The following SULT4A1 variants were observed in gnomAD, a reference collection of about 807,000 sequenced individuals.
The protein encoded by SULT4A1 is sulfotransferase family 4A member 1, also known as sulfotransferase 4A1.
In SULT4A1, 11 loss-of-function variants were observed where a neutral mutation model predicts 35.2. The ratio of observed to expected loss-of-function variants is 0.31; its 90% confidence interval spans 0.20 to 0.52. The LOEUF (loss-of-function observed/expected upper bound fraction) is 0.52, where lower values mean the gene tolerates loss of function less well. Ranked by LOEUF, SULT4A1 falls within the 20% of genes least tolerant of loss-of-function variation. The pLI is 0.97. For missense variants in SULT4A1, 271 were observed against 383.7 expected (o/e 0.71, Z 2.45); for synonymous variants, 152 against 151.8 (o/e 1.00, Z -0.01).
intron 4 of SULT4A1, among the ~76,000 whole-genome samples, chr22:43,834,355 C>G (rs1350822320): frequency 1.8e-4 from 22 of 125,592 alleles, no homozygotes; most frequent in African/African-American, 5.8e-4. Context: ...CTGAGCTTCC[C>G]GCGCCCCCAC....
chr22:43,842,799 C>T (rs948704783), intron 1 of SULT4A1, among the ~76,000 whole-genome samples: 3 of 152,096 alleles, frequency 2.0e-5, no homozygotes, highest in African/African-American at 7.2e-5. Flanking sequence ...AAGGCGATTC[C>T]GGGGTCTAGA....
chr22:43,841,983 C>T (rs565621149), intron 1 of SULT4A1, 51 bp from the exon 2 acceptor site: 31 of 1,581,000 alleles, frequency 2.0e-5, no homozygotes, highest in East Asian at 4.6e-5. Flanking sequence ...CCCACGCGCC[C>T]GGCCCTGTGC....
intron 1 of SULT4A1, among the ~76,000 whole-genome samples, chr22:43,861,349 G>GGA (rs1232227906): frequency 1.3e-5 from 2 of 152,174 alleles, no homozygotes; most frequent in African/African-American, 4.8e-5. Flanking sequence ...GTGGCAACAA[G>GGA]GAAATCCCAG....
intron 1 of SULT4A1, among the ~76,000 whole-genome samples, chr22:43,847,430 A>T (rs1484294384): frequency 6.6e-6 from 1 of 152,212 alleles, no homozygotes; most frequent in Non-Finnish European, 1.5e-5. Flanking sequence ...TGTGGCACCC[A>T]GCACTCCTCC....
intron 4 of SULT4A1, among the ~76,000 whole-genome samples, chr22:43,834,386 G>A (rs1179365477): frequency 3.7e-5 from 2 of 53,844 alleles, no homozygotes; most frequent in African/African-American, 7.2e-5. Flanking sequence ...AGCTTCCCGC[G>A]CCCCCACCGC....
chr22:43,830,346 G>T (rs528848740), intron 5 of SULT4A1, among the ~76,000 whole-genome samples: 1 of 152,238 alleles, frequency 6.6e-6, no homozygotes, highest in Admixed American at 6.5e-5. Context: ...CTGCTGGAGC[G>T]TTCAGCAGAA....
intron 1 of SULT4A1, among the ~76,000 whole-genome samples, chr22:43,855,173 G>T (rs371869264): frequency 1.3e-5 from 2 of 152,232 alleles, no homozygotes; most frequent in African/African-American, 4.8e-5. Flanking sequence ...ACCACCCAAA[G>T]CCAGGCCCAT....
intron 4 of SULT4A1, among the ~76,000 whole-genome samples, 197 bp from the exon 5 acceptor site, chr22:43,833,931 C>T (rs570552750): frequency 4.6e-5 from 7 of 152,346 alleles, no homozygotes; most frequent in African/African-American, 1.4e-4. Flanking sequence ...GCCTTCGGCA[C>T]GCCTTGAAGG....
intron 4 of SULT4A1, among the ~76,000 whole-genome samples, chr22:43,835,003 C>G (rs533833434): frequency 0.11 from 4,297 of 38,646 alleles, 1,116 homozygotes; most frequent in African/African-American, 0.19. Flanking sequence ...GCTTCCCGCA[C>G]CCACACCGCG....
chr22:43,827,755 C>CCCCA, intron 6 of SULT4A1: 2 of 326,794 alleles, frequency 6.1e-6, no homozygotes, highest in East Asian at 2.2e-4. Context: ...CGCTGCTTCA[C>CCCCA]CACACACACA....
intron 1 of SULT4A1, among the ~76,000 whole-genome samples, chr22:43,842,839 T>A (rs1443219581): frequency 1.3e-5 from 2 of 152,208 alleles, no homozygotes; most frequent in Non-Finnish European, 2.9e-5. Context: ...GGGAATTACA[T>A]GGAAGCATGC....
chr22:43,861,624 G>A (rs1271038892), intron 1 of SULT4A1, among the ~76,000 whole-genome samples: 1 of 152,208 alleles, frequency 6.6e-6, no homozygotes, highest in Non-Finnish European at 1.5e-5. Flanking sequence ...AAATGTGAAT[G>A]CCCCAGGTCC....
rs868028455 is a variant in SULT4A1, at chr22:43,834,985, T to G, written c.509-1251A>C. Among the ~76,000 whole-genome samples the G allele has an allele frequency of 2.2e-3, 52 of 23,692 alleles. 3 individuals carry two copies. The highest frequency in any genetic ancestry group is 9.0e-3 in the South Asian group (4 of 442). The allele number at this position is 23,692 out of a possible 152,430, so 15.5% of individuals were successfully genotyped here. A position where few individuals can be genotyped will look rare whatever the true frequency, so the allele number is the denominator to read the frequency against. On this transcript the variant is annotated intron_variant, in intron 4 of 6. Transcript: ENST00000330884. Reference sequence around the variant, plus strand: ...CCTGAGCTTCCCGCGCCCCCACCGCTGCCCTGAGCTTCCCGCACCCACACC... The same window carrying G: ...CCTGAGCTTCCCGCGCCCCCACCGCGGCCCTGAGCTTCCCGCACCCACACC...
At chr22:43,842,870 T>C (rs1260374514) in intron 1 of SULT4A1, among the ~76,000 whole-genome samples, 1 of 152,144 alleles carries the variant, frequency 6.6e-6, no homozygotes, top group Non-Finnish European at 1.5e-5. Context: ...TATGTGCTGG[T>C]TTCCATCTAT....
At chr22:43,827,688 A>C (rs766609575) in intron 6 of SULT4A1, 446 of 1,354,146 alleles carry the variant, frequency 3.3e-4, no homozygotes, top group Non-Finnish European at 4.2e-4. Flanking sequence ...AACCAAGGTA[A>C]ACCATGATAA....
intron 1 of SULT4A1, among the ~76,000 whole-genome samples, chr22:43,851,885 C>T (rs2049345374): frequency 6.6e-6 from 1 of 152,218 alleles, no homozygotes; most frequent in African/African-American, 2.4e-5. Context: ...AATTCGTTCC[C>T]ACCTGGCCAC....
chr22:43,838,375 T>C (rs2063394587), intron 4 of SULT4A1, among the ~76,000 whole-genome samples: 1 of 151,756 alleles, frequency 6.6e-6, no homozygotes, highest in Non-Finnish European at 1.5e-5. Context: ...TGCCTGTGCC[T>C]GAGGTTCAGC....
chr22:43,852,337 T>G (rs2049350731), intron 1 of SULT4A1, among the ~76,000 whole-genome samples: 1 of 131,928 alleles, frequency 7.6e-6, no homozygotes, highest in Admixed American at 8.0e-5. Context: ...CTGGCTAGGT[T>G]TTTTTTTGTT....
chr22:43,840,123 G>T, intron 2 of SULT4A1, 98 bp from the exon 3 acceptor site: 8 of 851,500 alleles, frequency 9.4e-6, no homozygotes, highest in South Asian at 3.3e-5. Flanking sequence ...GAAGGAAGGG[G>T]TGGGGTTCAG....
Sources: allele counts gnomAD v4.1 joint callset (sites outside exome capture counted in the v4.1 genomes callset), GRCh38; gene constraint gnomAD v4.1.1; transcripts MANE v1.5; gene names NCBI Gene and HGNC (gene_info 2026-07-23, HGNC 2026-07-21).